Variants in ANTXR2 observed in about 807,000 individuals in gnomAD.
ANTXR2 encodes the protein anthrax toxin receptor 2.
ANTXR2 carries 44 observed loss-of-function variants against 73.7 expected under a neutral mutation model. The ratio of observed to expected loss-of-function variants is 0.60; its 90% CI spans 0.47 to 0.77. The LOEUF is 0.77. Among genes scored for constraint, ANTXR2 ranks in the 30% least tolerant of loss-of-function variants. The probability of loss-of-function intolerance (pLI) is 0.00; values close to 1 mark genes in which losing one functional copy is unlikely to be tolerated. For synonymous variants in ANTXR2, 217 were observed against 205.9 expected, an observed-to-expected ratio of 1.05 and a Z score of -0.46; for missense variants, 604 against 592.5, an observed-to-expected ratio of 1.02 and a Z score of -0.20.
At chr4:79,973,706 G>A (rs1282634733) in intron 16 of ANTXR2, among the ~76,000 whole-genome samples, 5 of 152,264 alleles carry the variant, frequency 3.3e-5, no homozygotes, top group Non-Finnish European at 5.9e-5. Flanking sequence ...TGGGATTACA[G>A]GTGTGAGCCA....
At position 79,903,965 on chromosome 4, in the gene ANTXR2, T is replaced by C. The variant is rs527758994; in HGVS notation, c.*3464A>G. The C allele has an allele frequency of 1.1e-3, 168 of 152,322 alleles. 1 individual carries two copies. Among genetic ancestry groups the C allele is most frequent in the African/African-American group, 3.7e-3 (155 of 41,598 alleles). 9.4% of individuals were successfully genotyped at this position (152,322 alleles called of 1,614,324 possible). On this transcript the variant is annotated 3_prime_UTR_variant, in exon 17 of 17. Transcript: ENST00000403729. ...TAAAAGCTAACCAATATACAATATATGCATGGAGTAGGAAGTTATAATTCC... is the reference window on the plus strand; with the variant it reads ...TAAAAGCTAACCAATATACAATATACGCATGGAGTAGGAAGTTATAATTCC...
At chr4:79,992,456 C>T (rs930472679) in intron 12 of ANTXR2, among the ~76,000 whole-genome samples, 2 of 151,666 alleles carry the variant, frequency 1.3e-5, no homozygotes, top group African/African-American at 4.8e-5. Flanking sequence ...TTGAATGCTA[C>T]AAAGCCATTA....
intron 12 of ANTXR2, among the ~76,000 whole-genome samples, chr4:80,004,293 A>G (rs868266538): frequency 6.6e-6 from 1 of 152,054 alleles, no homozygotes; most frequent in Non-Finnish European, 1.5e-5. Flanking sequence ...TTGTCTGAAA[A>G]CATAAAAATT....
Position 80,072,588 on chromosome 4 carries a change from C to G in ANTXR2, c.-28G>C. On this transcript the variant is annotated 5_prime_UTR_variant, in exon 1 of 17. Coordinates refer to ENST00000403729, the MANE Select transcript of ANTXR2 (RefSeq NM_058172.6). ...TGCGGCCGGGGGCCTGAGACTCCCTCCCGCTCGCAGTCCCCTAAGCTCAGG... is the reference window on the plus strand; with the variant it reads ...TGCGGCCGGGGGCCTGAGACTCCCTGCCGCTCGCAGTCCCCTAAGCTCAGG... 2.7e-6 allele frequency: 4 copies of G among 1,489,274 alleles called. No individual in the cohort carries two copies. The highest frequency in any genetic ancestry group is 3.6e-6 in the Non-Finnish European group (4 of 1,121,096). The allele number at this position is 1,489,274 out of a possible 1,614,324, so 92.3% of individuals were successfully genotyped here.
chr4:80,026,445 C>T (rs62298636), intron 10 of ANTXR2, among the ~76,000 whole-genome samples: 15,933 of 151,926 alleles, frequency 0.1, 1,926 homozygotes, highest in East Asian at 0.66. Flanking sequence ...AGTGTGAGAA[C>T]GGACTAATAC....
rs374785281 is a variant in ANTXR2, at chr4:80,000,665, A to G, written c.1041+7856T>C. On this transcript the variant is annotated intron_variant, in intron 12 of 16. Coordinates refer to ENST00000403729, the MANE Select transcript of ANTXR2 (RefSeq NM_058172.6). ...TTTGCTCACCTGACAGGATAATGTT[A>G]TAAGAATTTTGGCTAAAAATTTAAT... is the stretch of plus-strand genomic sequence containing the variant. Among the ~76,000 whole-genome samples the G allele has an allele frequency of 1.6e-3, 239 of 152,244 alleles. 2 individuals carry two copies. The highest frequency in any genetic ancestry group is 1.1e-3 in the Non-Finnish European group (77 of 67,996).
At chr4:80,021,458 T>G (rs1395070697) in intron 10 of ANTXR2, among the ~76,000 whole-genome samples, 1 of 152,170 alleles carries the variant, frequency 6.6e-6, no homozygotes, top group East Asian at 1.9e-4. Context: ...AAAGATAATT[T>G]TCATTCATAA....
intron 11 of ANTXR2, among the ~76,000 whole-genome samples, chr4:80,012,791 T>C (rs1731655229): frequency 6.6e-6 from 1 of 152,202 alleles, no homozygotes; most frequent in African/African-American, 2.4e-5. Context: ...GCTGTTACAC[T>C]CATCAAACCA....
At chr4:79,975,694 G>A (rs941762990) in intron 16 of ANTXR2, among the ~76,000 whole-genome samples, 49 of 152,146 alleles carry the variant, frequency 3.2e-4, no homozygotes, top group African/African-American at 1.1e-3. Context: ...AGTCTAGCAT[G>A]TAGAAGAGGA....
At chr4:79,927,100 AAAAG>A (rs1362487985) in intron 16 of ANTXR2, among the ~76,000 whole-genome samples, 1 of 151,478 alleles carries the variant, frequency 6.6e-6, no homozygotes, top group Non-Finnish European at 1.5e-5. Context: ...AGCCTTAAAA[AAAAG>A]GAGGTACTGG....
At chr4:79,953,602 T>C (rs1379588376) in intron 16 of ANTXR2, among the ~76,000 whole-genome samples, 1 of 152,096 alleles carries the variant, frequency 6.6e-6, no homozygotes, top group Non-Finnish European at 1.5e-5. Flanking sequence ...AGAACTCCTT[T>C]TGCTTTGATT....
chr4:80,035,275 A>T (rs2110086255), intron 8 of ANTXR2, among the ~76,000 whole-genome samples: 1 of 152,252 alleles, frequency 6.6e-6, no homozygotes, highest in Admixed American at 6.5e-5. Context: ...ATATTCATTC[A>T]TTAGGGAATC....
rs762963168 is a variant in ANTXR2 at position 79,978,162 on chromosome 4, C to T, written c.1192G>A (p.Asp398Asn). ...GCACCTTCCTCAGTAGATCCTTTAT[C>T]ACCCCAACGAACCTGTAAAACAAAG... is the stretch of plus-strand genomic sequence containing the variant. The part of the protein sequence containing the change: ...GIKRMEVRWG[D>N]KGSTEEGARL... The change falls in exon 15 of 17, where the codon GAT (aspartate) becomes AAT (asparagine). Residue 398 changes from aspartate (D) to asparagine (N), a missense_variant. Coordinates refer to ENST00000403729, the MANE Select transcript of ANTXR2 (RefSeq NM_058172.6). The T allele has an allele frequency of 5.6e-6, 9 of 1,613,646 alleles. No homozygotes were observed. The African/African-American group carries it at 9.3e-5, about 17-fold the overall frequency.
chr4:79,984,966 G>C lies in ANTXR2; in HGVS notation c.1042-103C>G, dbSNP rs147426610. The C allele has an allele frequency of 1.2e-5, 11 of 951,646 alleles. No homozygotes were observed. In the Admixed American group the frequency reaches 2.6e-4, roughly 22 times the overall value. 59.0% of individuals were successfully genotyped at this position (951,646 alleles called of 1,614,324 possible). ...CATAAAATACTGTGGTAGCTCCAAA[G>C]AAGTCCCTCACTGAAGCTTGCCACC... is the stretch of plus-strand genomic sequence containing the variant. On this transcript the variant is annotated intron_variant, in intron 12 of 16. Transcript: ENST00000403729.
chr4:79,986,168 G>C (rs1303320411), intron 12 of ANTXR2, among the ~76,000 whole-genome samples: 1 of 152,038 alleles, frequency 6.6e-6, no homozygotes, highest in African/African-American at 2.4e-5. Context: ...ACTGGTATTG[G>C]GCTATCTGGA....
rs182566282 is a variant in ANTXR2, at chr4:80,006,900, C to A, written c.1041+1621G>T. On this transcript the variant is annotated intron_variant, in intron 12 of 16. Coordinates refer to ENST00000403729, the MANE Select transcript of ANTXR2 (RefSeq NM_058172.6). ...CCACTGCAAAGTTTAAATTAAAAAA[C>A]CAAGGAGCACAAATTACATTAGGGC... Among the ~76,000 whole-genome samples the A allele has an allele frequency of 4.6e-3, 696 of 152,160 alleles. 10 individuals carry two copies. The highest frequency in any genetic ancestry group is 0.016 in the African/African-American group (661 of 41,524).
chr4:79,918,033 T>C (rs557522081), intron 16 of ANTXR2, among the ~76,000 whole-genome samples: 31 of 152,006 alleles, frequency 2.0e-4, no homozygotes, highest in African/African-American at 7.2e-4. Context: ...ACTGTAATAA[T>C]AGGATACCAA....
chr4:79,978,314 C>A, intron 14 of ANTXR2, 140 bp from the exon 15 acceptor site: 1 of 673,710 alleles, frequency 1.5e-6, no homozygotes, highest in Non-Finnish European at 2.2e-6. Context: ...AATTTCTCCT[C>A]TTCAGAGGCT....
At chr4:79,916,776 G>T (rs557087880) in intron 16 of ANTXR2, among the ~76,000 whole-genome samples, 1 of 152,124 alleles carries the variant, frequency 6.6e-6, no homozygotes, top group South Asian at 2.1e-4. Flanking sequence ...TGATGAACAG[G>T]ATTTATGAAG....
Sources: allele counts gnomAD v4.1 joint callset (sites outside exome capture counted in the v4.1 genomes callset), GRCh38; gene constraint gnomAD v4.1.1; transcripts MANE v1.5; gene names NCBI Gene and HGNC (gene_info 2026-07-23, HGNC 2026-07-21).